The following NTRK3 variants were observed in gnomAD, a reference collection of about 807,000 sequenced individuals.
The protein encoded by NTRK3 is NT-3 growth factor receptor.
NTRK3 carries 24 observed loss-of-function variants against 91.7 expected under a neutral mutation model. The observed-to-expected ratio is 0.26, with a 90% CI of 0.19 to 0.37. The LOEUF is 0.37. Ranked by LOEUF, NTRK3 falls within the 10% of genes least tolerant of loss-of-function variation. NTRK3 has a pLI of 1.00. For missense variants in NTRK3, 880 were observed against 1,068.9 expected (o/e 0.82, Z 2.46); for synonymous variants, 483 against 404.0 (o/e 1.20, Z -2.34).
At chr15:87,871,220 T>A (rs369132815) in exon 19 of NTRK3, 2 of 231,218 alleles carry the variant, frequency 8.6e-6, no homozygotes, top group Non-Finnish European at 1.7e-5. Context: ...ACAGTTCTTG[T>A]TGCAAACTAT....
In NTRK3 at chr15:87,992,501, C is replaced by T. The variant is rs561410030; in HGVS notation, c.1585+40356G>A. On this transcript the variant is annotated intron_variant, in intron 14 of 18. Coordinates refer to ENST00000394480, the Ensembl canonical transcript of NTRK3. Reference sequence around the variant, plus strand: ...TCCTCTTACCTGGAACTGTTTCAGACGCATACACTACAATGAAATGGTTCA... The same window carrying T: ...TCCTCTTACCTGGAACTGTTTCAGATGCATACACTACAATGAAATGGTTCA... Among the ~76,000 whole-genome samples, 5 of 152,310 alleles carry T rather than the reference C, an allele frequency of 3.3e-5. No individual in the cohort carries two copies. The South Asian group carries it at 8.3e-4, about 25-fold the overall frequency.
chr15:87,918,649 C>A (rs549435119), intron 17 of NTRK3, among the ~76,000 whole-genome samples: 3 of 152,194 alleles, frequency 2.0e-5, no homozygotes, highest in Non-Finnish European at 2.9e-5. Context: ...TAGAGCAACA[C>A]ATTTTTATCT....
At chr15:88,002,228 G>A (rs868746607) in intron 14 of NTRK3, among the ~76,000 whole-genome samples, 67 of 118,894 alleles carry the variant, frequency 5.6e-4, no homozygotes, top group Middle Eastern at 7.6e-3. Context: ...GGACTATTTC[G>A]AGTTTTCTCA....
At chr15:88,037,160 G>C (rs1375591200) in intron 13 of NTRK3, among the ~76,000 whole-genome samples, 2 of 152,208 alleles carry the variant, frequency 1.3e-5, no homozygotes, top group African/African-American at 2.4e-5. Context: ...CCAGACATCA[G>C]AGCCCTGGGG....
At chr15:88,231,274 T>A (rs947554684) in intron 3 of NTRK3, among the ~76,000 whole-genome samples, 8 of 152,136 alleles carry the variant, frequency 5.3e-5, no homozygotes, top group Non-Finnish European at 1.2e-4. Flanking sequence ...TTGTTTAACA[T>A]TTTTGTATAG....
In NTRK3 at chr15:88,239,035, G is replaced by T. The variant is rs533641859; in HGVS notation, c.248+16871C>A. ...AATGAGTGACTATATACACTGCCAG[G>T]CCTGAATACAGTGCTTAACACACAG... On this transcript the variant is annotated intron_variant, in intron 3 of 18. Coordinates refer to ENST00000394480, the Ensembl canonical transcript of NTRK3. Among the ~76,000 whole-genome samples the T allele has an allele frequency of 2.6e-5, 4 of 152,342 alleles. No individual in the cohort carries two copies. In the South Asian group the frequency reaches 8.3e-4, roughly 32 times the overall value.
intron 14 of NTRK3, among the ~76,000 whole-genome samples, chr15:87,952,531 C>T (rs930882365): frequency 2.6e-5 from 4 of 152,126 alleles, no homozygotes; most frequent in Non-Finnish European, 5.9e-5. Context: ...ACAGACAGCT[C>T]CCCGTCCCTC....
chr15:88,183,588 C>T (rs2046702657), intron 4 of NTRK3, 99 bp from the exon 5 acceptor site: 9 of 1,112,650 alleles, frequency 8.1e-6, no homozygotes, highest in Middle Eastern at 1.9e-4. Flanking sequence ...GCTGGCCCTG[C>T]AGCCGCCCTG....
rs1033729522 is a variant in NTRK3, at chr15:87,962,833, C to T, written c.1586-22080G>A. Among the ~76,000 whole-genome samples the T allele has an allele frequency of 7.2e-5, 11 of 152,208 alleles. No individual in the cohort carries two copies. The South Asian group carries it at 1.0e-3, about 14-fold the overall frequency. On this transcript the variant is annotated intron_variant, in intron 14 of 18. Transcript: ENST00000394480. Reference sequence around the variant, plus strand: ...TGACCTTGAGAAAGTCATGGCATCACGCTTGGTTAACCCTCTGCAGGACAT... The same window carrying T: ...TGACCTTGAGAAAGTCATGGCATCATGCTTGGTTAACCCTCTGCAGGACAT...
At chr15:88,127,208 G>A (rs1258263738) in exon 12 of NTRK3, 1 of 1,614,102 alleles carries the variant, frequency 6.2e-7, no homozygotes, top group Non-Finnish European at 8.5e-7. Context: ...GATAGGAGGT[G>A]TGGGACTCAC....
chr15:87,972,180 C>T (rs1418232776), intron 14 of NTRK3, among the ~76,000 whole-genome samples: 6 of 152,132 alleles, frequency 3.9e-5, no homozygotes, highest in Non-Finnish European at 8.8e-5. Flanking sequence ...AGTGAGGTCT[C>T]CAAAGGCAGA....
At chr15:88,079,661 A>C (rs531966212) in intron 13 of NTRK3, among the ~76,000 whole-genome samples, 1 of 152,346 alleles carries the variant, frequency 6.6e-6, no homozygotes, top group South Asian at 2.1e-4. Flanking sequence ...TGGACATGCC[A>C]TTTGACTCCA....
chr15:88,130,827 G>A (rs904800680), intron 10 of NTRK3, among the ~76,000 whole-genome samples: 13 of 152,256 alleles, frequency 8.5e-5, no homozygotes, highest in African/African-American at 3.1e-4. Flanking sequence ...CCTAGACAAG[G>A]AAAAAGCATC....
chr15:88,008,708 C>T (rs1005631911), intron 14 of NTRK3, among the ~76,000 whole-genome samples: 5 of 152,122 alleles, frequency 3.3e-5, no homozygotes, highest in African/African-American at 1.2e-4. Context: ...CAGGGCTCGG[C>T]CCCCAGCGAT....
intron 3 of NTRK3, among the ~76,000 whole-genome samples, chr15:88,250,228 A>C (rs1282317950): frequency 6.6e-6 from 1 of 152,222 alleles, no homozygotes; most frequent in Non-Finnish European, 1.5e-5. Context: ...CAAGCTGGTA[A>C]GAGAAGCCCC....
chr15:88,038,714 A>T (rs2079300016), intron 13 of NTRK3, among the ~76,000 whole-genome samples: 1 of 152,182 alleles, frequency 6.6e-6, no homozygotes, highest in Non-Finnish European at 1.5e-5. Flanking sequence ...ATAAAGTCTA[A>T]AAGACAAAAA....
At chr15:87,893,342 G>T (rs973836863) in intron 17 of NTRK3, among the ~76,000 whole-genome samples, 1 of 152,126 alleles carries the variant, frequency 6.6e-6, no homozygotes, top group Admixed American at 6.5e-5. Flanking sequence ...CTCACACTTT[G>T]CCCCACTCCT....
intron 16 of NTRK3, among the ~76,000 whole-genome samples, chr15:87,930,047 G>A (rs2068657390): frequency 6.6e-6 from 1 of 152,158 alleles, no homozygotes; most frequent in East Asian, 1.9e-4. Flanking sequence ...AGGTGAGCTT[G>A]CTCATTTGCA....
At chr15:87,911,695 GC>G in intron 17 of NTRK3, among the ~76,000 whole-genome samples, 1 of 152,264 alleles carries the variant, frequency 6.6e-6, no homozygotes, top group East Asian at 1.9e-4. Context: ...CTGAAACCTG[GC>G]TTTGTGATCT....
Sources: gnomAD v4.1 joint callset for allele counts (sites outside exome capture counted in the v4.1 genomes callset) on GRCh38, gnomAD v4.1.1 for gene constraint, MANE v1.5 for transcripts, NCBI Gene and HGNC (gene_info 2026-07-23, HGNC 2026-07-21) for gene names.